The following STPG2 variants were observed in gnomAD, a reference collection of about 807,000 sequenced individuals.
STPG2 encodes the protein sperm tail PG-rich repeat containing 2, also known as sperm-tail PG-rich repeat-containing protein 2.
A neutral mutation model predicts 54.2 loss-of-function variants in STPG2; 56 were observed. The observed-to-expected ratio is 1.03, with a 90% CI of 0.83 to 1.29. The LOEUF (loss-of-function observed/expected upper bound fraction) is 1.29, where lower values mean the gene tolerates loss of function less well. STPG2 is among the 50% of genes most tolerant of loss of function. STPG2 has a pLI of 0.00. For synonymous variants in STPG2, 200 were observed against 181.8 expected (o/e 1.10, Z -0.81); for missense variants, 596 against 544.9 (o/e 1.09, Z -0.93).
intron 10 of STPG2, among the ~76,000 whole-genome samples, chr4:97,698,049 T>C (rs1370083713): frequency 6.6e-6 from 1 of 152,170 alleles, no homozygotes; most frequent in Non-Finnish European, 1.5e-5. Context: ...CTCCACACTC[T>C]ATATTTCTTT....
At chr4:97,766,342 C>T (rs1225612779) in intron 9 of STPG2, among the ~76,000 whole-genome samples, 1 of 151,776 alleles carries the variant, frequency 6.6e-6, no homozygotes, top group Non-Finnish European at 1.5e-5. Context: ...ATGTGGCAAT[C>T]AAATATTGAG....
chr4:97,839,521 G>T (rs1235077283), intron 9 of STPG2, among the ~76,000 whole-genome samples: 1 of 151,524 alleles, frequency 6.6e-6, no homozygotes, highest in Non-Finnish European at 1.5e-5. Context: ...AATTGATTGT[G>T]CTTGATGATG....
intron 4 of STPG2, among the ~76,000 whole-genome samples, chr4:97,476,481 G>A (rs1277606314): frequency 6.6e-6 from 1 of 151,588 alleles, no homozygotes; most frequent in Non-Finnish European, 1.5e-5. Flanking sequence ...ATCTCACATT[G>A]TAACATTTTC....
chr4:98,033,425 G>A (rs1736665563), intron 5 of STPG2, among the ~76,000 whole-genome samples: 1 of 151,840 alleles, frequency 6.6e-6, no homozygotes, highest in South Asian at 2.1e-4. Flanking sequence ...TCCCTAAGTA[G>A]ACCAATAACA....
chr4:98,080,440 A>G (rs1168812267), intron 5 of STPG2, among the ~76,000 whole-genome samples: 3 of 152,162 alleles, frequency 2.0e-5, no homozygotes, highest in Non-Finnish European at 4.4e-5. Flanking sequence ...TTGTTGCTTC[A>G]GTCACAAATG....
intron 9 of STPG2, among the ~76,000 whole-genome samples, chr4:97,833,438 A>T (rs1728534460): frequency 6.6e-6 from 1 of 152,214 alleles, no homozygotes; most frequent in African/African-American, 2.4e-5. Context: ...TTCAGGACAT[A>T]GGCATGGGGA....
chr4:97,540,940 C>A (rs532638529), intron 4 of STPG2, among the ~76,000 whole-genome samples: 1 of 152,058 alleles, frequency 6.6e-6, no homozygotes, highest in African/African-American at 2.4e-5. Context: ...TAAAAACTCT[C>A]AATAAATTAG....
At position 97,745,194 on chromosome 4, in the gene STPG2, G is replaced by C. The variant is rs117990689; in HGVS notation, c.1205-32380C>G. On this transcript the variant is annotated intron_variant, in intron 9 of 10. Transcript: ENST00000295268. ...TGAGTCTAAGCTAGAACTACTTTCA[G>C]TCAAATTTAAGTCATTATTACCTTT... Among the ~76,000 whole-genome samples, 159 of 147,682 alleles carry C rather than the reference G, an allele frequency of 1.1e-3. No homozygotes were observed. In the East Asian group the frequency reaches 0.029, roughly 27 times the overall value.
At chr4:97,524,975 T>C (rs1731253491) in intron 4 of STPG2, among the ~76,000 whole-genome samples, 1 of 151,928 alleles carries the variant, frequency 6.6e-6, no homozygotes, top group African/African-American at 2.4e-5. Flanking sequence ...TATTTAAAGA[T>C]TCAACATTTA....
intron 8 of STPG2, among the ~76,000 whole-genome samples, chr4:97,899,830 T>A (rs181248919): frequency 1.1e-3 from 175 of 152,212 alleles, no homozygotes; most frequent in Non-Finnish European, 1.7e-3. Flanking sequence ...TTAAGATGGA[T>A]TAAAGACTTA....
intron 5 of STPG2, among the ~76,000 whole-genome samples, chr4:98,018,416 A>G (rs146395244): frequency 0.39 from 59,916 of 152,040 alleles, 12,037 homozygotes; most frequent in Middle Eastern, 0.46. Flanking sequence ...CCAGTCTATC[A>G]TTGTTGGACA....
In STPG2 at chr4:97,751,443, C is replaced by G. The variant is rs1308531945; in HGVS notation, c.1205-38629G>C. On this transcript the variant is annotated intron_variant, in intron 9 of 10. Coordinates refer to ENST00000295268, the MANE Select transcript of STPG2 (RefSeq NM_174952.3). ...TTCTTAAAGTTATGGTGACATGCAA[C>G]TCATTTTCCAAACTGCATGTACTCT... 2.0e-5 allele frequency among the ~76,000 whole-genome samples: 3 copies of G among 151,880 alleles called. No homozygotes were observed. The East Asian group carries it at 5.8e-4, about 29-fold the overall frequency.
At chr4:97,635,595 C>G (rs1044302817) in intron 10 of STPG2, among the ~76,000 whole-genome samples, 1 of 152,078 alleles carries the variant, frequency 6.6e-6, no homozygotes, top group Non-Finnish European at 1.5e-5. Context: ...TCAGGAAACC[C>G]GTCTCACGTG....
intron 9 of STPG2, among the ~76,000 whole-genome samples, chr4:97,815,513 G>C (rs529088592): frequency 6.1e-4 from 93 of 152,200 alleles, no homozygotes; most frequent in Non-Finnish European, 1.2e-3. Flanking sequence ...TACTCAACCT[G>C]TATATATAAA....
chr4:97,752,274 T>C (rs1354938853), intron 9 of STPG2, among the ~76,000 whole-genome samples: 2 of 151,758 alleles, frequency 1.3e-5, no homozygotes, highest in Non-Finnish European at 3.0e-5. Context: ...AAATATGCTT[T>C]AAAGGTATAA....
At chr4:98,012,509 G>A (rs903081929) in intron 5 of STPG2, among the ~76,000 whole-genome samples, 1 of 152,104 alleles carries the variant, frequency 6.6e-6, no homozygotes, top group African/African-American at 2.4e-5. Context: ...AGCTTGATGG[G>A]GATAGCACTG....
At chr4:97,500,509 T>C (rs745874701) in intron 4 of STPG2, among the ~76,000 whole-genome samples, 1 of 151,960 alleles carries the variant, frequency 6.6e-6, no homozygotes, top group Non-Finnish European at 1.5e-5. Flanking sequence ...TCTCAACATA[T>C]GGATAGCATT....
At chr4:98,105,801 A>G in intron 5 of STPG2, 152 bp downstream of exon 5, 1 of 633,234 alleles carries the variant, frequency 1.6e-6, no homozygotes, top group East Asian at 3.9e-5. Flanking sequence ...CAACCACTTG[A>G]CAGAAATAAT....
intron 9 of STPG2, 92 bp downstream of exon 9, chr4:97,840,681 G>A (rs1728769898): frequency 7.1e-7 from 1 of 1,404,616 alleles, no homozygotes; most frequent in Non-Finnish European, 9.6e-7. Context: ...TAACTTTTCA[G>A]TCTCCAAGAA....
Sources: allele counts gnomAD v4.1 joint callset (sites outside exome capture counted in the v4.1 genomes callset), GRCh38; gene constraint gnomAD v4.1.1; transcripts MANE v1.5; gene names NCBI Gene and HGNC (gene_info 2026-07-23, HGNC 2026-07-21).